The following USP34 variants were observed in gnomAD, a reference collection of about 807,000 sequenced individuals.
The protein encoded by USP34 is ubiquitin specific peptidase 34, also known as ubiquitin carboxyl-terminal hydrolase 34.
Under a neutral mutation model 460.3 loss-of-function variants are expected in USP34, and 70 were observed. The ratio of observed to expected loss-of-function variants is 0.15; its 90% confidence interval spans 0.13 to 0.19. The LOEUF (loss-of-function observed/expected upper bound fraction) is 0.19, where lower values mean the gene tolerates loss of function less well. Among genes scored for constraint, USP34 ranks in the 10% least tolerant of loss-of-function variants. USP34 has a pLI of 1.00. For synonymous variants in USP34, 1,647 were observed against 1,405.3 expected (o/e 1.17, Z -3.85); for missense variants, 3,985 against 4,236.2 (o/e 0.94, Z 1.65).
intron 1 of USP34, among the ~76,000 whole-genome samples, chr2:61,426,093 G>A (rs1280533357): frequency 6.6e-6 from 1 of 152,092 alleles, no homozygotes; most frequent in Non-Finnish European, 1.5e-5. Flanking sequence ...AACCAGTAGC[G>A]ATATCCAAGT....
In USP34 at chr2:61,405,909, T is replaced by C; in HGVS notation, c.351A>G (p.Glu117=). 6.2e-7 allele frequency: 1 copy of C among 1,613,868 alleles called. No individual in the cohort carries two copies. Among genetic ancestry groups the C allele is most frequent in the Non-Finnish European group, 8.5e-7 (1 of 1,179,968 alleles). The change falls in exon 3 of 80, where the codon GAA becomes GAG. Residue 117 remains glutamate, a synonymous_variant. Transcript: ENST00000398571. ...ATTTTTTTTCTATTGATTTTTGTCT[T>C]TCTGTACTTCCTTCATTACACTCTC... The part of the protein sequence containing the change: ...IDRECNEGST[E]RQKSIEKKSN...
intron 59 of USP34, 34 bp from the exon 60 acceptor site, chr2:61,229,029 AT>A: frequency 1.3e-6 from 2 of 1,484,674 alleles, no homozygotes. Flanking sequence ...TAGAGAATGT[AT>A]GAGGTCTGGA....
At chr2:61,263,423 C>T (rs530434207) in intron 43 of USP34, among the ~76,000 whole-genome samples, 58 of 151,726 alleles carry the variant, frequency 3.8e-4, no homozygotes, top group African/African-American at 1.2e-3. Context: ...TCAGGTGATC[C>T]GCCCGCCTCG....
At chr2:61,316,633 C>T (rs1179352141) in intron 23 of USP34, among the ~76,000 whole-genome samples, 1 of 150,546 alleles carries the variant, frequency 6.6e-6, no homozygotes, top group East Asian at 2.0e-4. Flanking sequence ...GCCTGTAATC[C>T]CAGCAGTTCG....
intron 22 of USP34, 144 bp from the exon 23 acceptor site, chr2:61,317,911 T>C (rs1690799762): frequency 3.2e-6 from 2 of 616,732 alleles, no homozygotes; most frequent in Non-Finnish European, 2.6e-6. Context: ...AAAATAAAAA[T>C]ATATAATAAT....
intron 2 of USP34, chr2:61,416,779 T>C (rs939484865): frequency 2.5e-6 from 1 of 401,634 alleles, no homozygotes; most frequent in African/African-American, 2.2e-5. Context: ...GATAATCTGG[T>C]AAACAAACAT....
chr2:61,216,157 A>G (rs1482108981), intron 67 of USP34, among the ~76,000 whole-genome samples: 1 of 152,218 alleles, frequency 6.6e-6, no homozygotes, highest in African/African-American at 2.4e-5. Flanking sequence ...TTTTCTAGAT[A>G]TTTCTTTACC....
chr2:61,397,018 T>A lies in USP34; in HGVS notation c.553-1785A>T, dbSNP rs186975987. The stretch of plus-strand genomic sequence containing the variant: ...ACCTGTTACATTTCTGAAAGAAAAT[T>A]TATGATCATGATCTGATGTTCATAA... On this transcript the variant is annotated intron_variant, in intron 3 of 79. Transcript: ENST00000398571. 1.7e-3 allele frequency among the ~76,000 whole-genome samples: 262 copies of A among 152,316 alleles called. 5 individuals carry two copies. Among genetic ancestry groups the A allele is most frequent in the Admixed American group, 0.017 (260 of 15,294 alleles).
In USP34 at chr2:61,232,472, G is replaced by A. The variant is rs370168392; in HGVS notation, c.7093C>T (p.Pro2365Ser). The part of the protein sequence containing the change: ...WWPMQILIKC[P>S]NQIVRQMFQR... ...CTTACCTGTCTCACAATTTGATTAG[G>A]GCACTTAATTAGTATCTGCATTGGC... The change falls in exon 58 of 80, where the codon CCT becomes TCT. Residue 2365 changes from proline (P) to serine (S), a missense_variant. Physicochemically the swap from Pro to Ser is moderately conservative, Grantham distance 74. Around this residue, in one of 14 missense-constraint regions of USP34, gnomAD observed 604 missense variants for 684.8 expected, o/e 0.88. Coordinates refer to ENST00000398571, the MANE Select transcript of USP34 (RefSeq NM_014709.4). 8.1e-6 allele frequency: 13 copies of A among 1,607,790 alleles called. No homozygotes were observed. Among genetic ancestry groups the A allele is most frequent in the East Asian group, 2.2e-5 (1 of 44,642 alleles).
Position 61,229,470 on chromosome 2 carries a change from A to C in USP34, c.7199+78T>G, listed in dbSNP as rs577734532. 8.8e-4 allele frequency: 600 copies of C among 680,716 alleles called. 1 individual carries two copies. The highest frequency in any genetic ancestry group is 1.9e-3 in the African/African-American group (87 of 46,742). 42.2% of individuals were successfully genotyped at this position (680,716 alleles called of 1,614,324 possible). On this transcript the variant is annotated intron_variant, in intron 59 of 79. Transcript: ENST00000398571. ...AACCCTATCTCTTAAAAAAAAAAAAAAAAAACAAAAAAAAAAAACAAAAAC... is the reference window on the plus strand; with the variant it reads ...AACCCTATCTCTTAAAAAAAAAAAACAAAAACAAAAAAAAAAAACAAAAAC...
In USP34 at chr2:61,339,443, C is replaced by A. The variant is rs1387653961; in HGVS notation, c.2652G>T (p.Glu884Asp). The A allele has an allele frequency of 1.2e-6, 2 of 1,601,030 alleles. No individual in the cohort carries two copies. The highest frequency in any genetic ancestry group is 1.1e-5 in the South Asian group (1 of 88,424). Residue 884 changes from glutamate (E) to aspartate (D), a missense_variant, in exon 18 of 80, where the codon GAG becomes GAT. This residue lies in a region of USP34 where 46 missense variants were observed against 83.1 expected (regional missense o/e 0.55). Coordinates refer to ENST00000398571, the MANE Select transcript of USP34 (RefSeq NM_014709.4). ...AACATACTAACGAACAAAGAAGTTT[C>A]TCTGCTTCATTTATTAATCCTTCAG... ...NLSEGLINEA[E>D]KLLCSLVCWF... is the part of the protein sequence containing the mutation.
chr2:61,235,997 C>A, intron 56 of USP34, 29 bp downstream of exon 56: 1 of 1,597,422 alleles, frequency 6.3e-7, no homozygotes, highest in Admixed American at 1.8e-5. Context: ...ACATAAATGA[C>A]AAAAAAATCC....
At chr2:61,328,299 T>C (rs1460997071) in intron 20 of USP34, among the ~76,000 whole-genome samples, 3 of 100,560 alleles carry the variant, frequency 3.0e-5, no homozygotes, top group Admixed American at 2.3e-4. Context: ...AAAAACTCCG[T>C]CAAAAAAAAA....
At chr2:61,239,586 G>A (rs1472795260) in intron 53 of USP34, among the ~76,000 whole-genome samples, 1 of 152,060 alleles carries the variant, frequency 6.6e-6, no homozygotes, top group Non-Finnish European at 1.5e-5. Flanking sequence ...ATACAAATAG[G>A]TAAGTTTAGT....
At chr2:61,399,888 A>AAAAAAAAAAAAAAAAAAAC (rs1693659580) in intron 3 of USP34, among the ~76,000 whole-genome samples, 1 of 150,858 alleles carries the variant, frequency 6.6e-6, no homozygotes, top group Non-Finnish European at 1.5e-5. Flanking sequence ...AAAAAAAAAA[A>AAAAAAAAAAAAAAAAAAAC]AAAGCTGTAT....
In USP34 at chr2:61,348,404, C is replaced by T; in HGVS notation, c.1751G>A (p.Gly584Glu). The change falls in exon 15 of 80, where the codon GGG (glycine) becomes GAG (glutamate). Residue 584 changes from glycine (G) to glutamate (E), a missense_variant. This residue lies in a region of USP34 where 716 missense variants were observed against 626.2 expected (regional missense o/e 1.14). Coordinates refer to ENST00000398571, the MANE Select transcript of USP34 (RefSeq NM_014709.4). ...DGSSGPGSSSGHSDGSSNEVN... is the reference protein window; with the variant it reads ...DGSSGPGSSSEHSDGSSNEVN... ...CTCATTGCTAGATCCATCACTATGC[C>T]CACTACTGCTACCAGGACCACTGCT... is the stretch of plus-strand genomic sequence containing the variant. 1.2e-6 allele frequency: 2 copies of T among 1,613,916 alleles called. No homozygotes were observed. Among genetic ancestry groups the T allele is most frequent in the Non-Finnish European group, 1.7e-6 (2 of 1,180,034 alleles).
intron 10 of USP34, among the ~76,000 whole-genome samples, chr2:61,359,732 A>G (rs1220492860): frequency 2.0e-5 from 3 of 151,776 alleles, no homozygotes; most frequent in Non-Finnish European, 4.4e-5. Flanking sequence ...CAGGCATAGA[A>G]GGAACTTACC....
rs1259546428 is a variant in USP34 at position 61,349,218 on chromosome 2, A to T, written c.1543+32T>A. ...GAAAACCACTATAAAAAACTAAGTCATGTTGCCATGAATTTCTAAGGCTCA... is the reference window on the plus strand; with the variant it reads ...GAAAACCACTATAAAAAACTAAGTCTTGTTGCCATGAATTTCTAAGGCTCA... On this transcript the variant is annotated intron_variant, in intron 13 of 79. Coordinates refer to ENST00000398571, the MANE Select transcript of USP34 (RefSeq NM_014709.4). 1.9e-6 allele frequency: 3 copies of T among 1,604,848 alleles called. No homozygotes were observed. The Admixed American group carries it at 5.2e-5, about 28-fold the overall frequency.
chr2:61,443,860 T>C (rs1220127077), intron 1 of USP34, among the ~76,000 whole-genome samples: 3 of 152,184 alleles, frequency 2.0e-5, no homozygotes, highest in East Asian at 1.9e-4. Context: ...AATGTACCAC[T>C]CACTCTGGTG....
Sources: allele counts gnomAD v4.1 joint callset (sites outside exome capture counted in the v4.1 genomes callset), GRCh38; gene constraint gnomAD v4.1.1; regional missense constraint gnomAD v4.1.1; transcripts MANE v1.5; gene names NCBI Gene and HGNC (gene_info 2026-07-23, HGNC 2026-07-21).